Variants in LGSN observed in about 807,000 individuals in gnomAD.
LGSN encodes lengsin.
In LGSN, 21 loss-of-function variants were observed where a neutral mutation model predicts 19.5. The observed-to-expected ratio is 1.07, with a 90% CI of 0.76 to 1.55. LGSN has a LOEUF of 1.55. LGSN is among the 40% of genes most tolerant of loss of function. The pLI is 0.00. For synonymous variants in LGSN, 257 were observed against 215.6 expected, an observed-to-expected ratio of 1.19 and a Z score of -1.68; for missense variants, 673 against 608.5, an observed-to-expected ratio of 1.11 and a Z score of -1.12.
At chr6:63,366,445 G>A in the LGSN span, among the ~76,000 whole-genome samples, 1 of 152,078 alleles carries the variant, frequency 6.6e-6, no homozygotes, top group Non-Finnish European at 1.5e-5. Context: ...AAAGAGGACA[G>A]AAACAAATGG....
chr6:63,511,334 A>G, the LGSN span, among the ~76,000 whole-genome samples: 81,261 of 150,806 alleles, frequency 0.54, 23,651 homozygotes, highest in African/African-American at 0.77. Context: ...GCTCACTGAA[A>G]CCTCCGCCTC....
the LGSN span, among the ~76,000 whole-genome samples, chr6:63,371,868 A>G: frequency 6.6e-6 from 1 of 152,338 alleles, no homozygotes; most frequent in South Asian, 2.1e-4. Flanking sequence ...GCTTATTCTC[A>G]GTTCATAGTT....
the LGSN span, chr6:63,392,440 T>C: frequency 1.3e-5 from 2 of 152,384 alleles, no homozygotes; most frequent in African/African-American, 4.8e-5. Flanking sequence ...TGCTATCATG[T>C]GGACTAATCC....
the LGSN span, among the ~76,000 whole-genome samples, chr6:63,335,915 C>T: frequency 6.6e-6 from 1 of 152,186 alleles, no homozygotes; most frequent in Non-Finnish European, 1.5e-5. Context: ...ATGAAGTCAA[C>T]CTAAGTGTCC....
the LGSN span, among the ~76,000 whole-genome samples, chr6:63,548,451 C>T: frequency 2.0e-5 from 3 of 152,162 alleles, no homozygotes; most frequent in Non-Finnish European, 4.4e-5. Flanking sequence ...TGTCCTTATG[C>T]CACATTCCTA....
the LGSN span, among the ~76,000 whole-genome samples, chr6:63,355,847 T>A: frequency 6.6e-6 from 1 of 152,164 alleles, no homozygotes; most frequent in Non-Finnish European, 1.5e-5. Context: ...CTGGCTAATA[T>A]TTTTTGTATT....
Position 63,280,733 on chromosome 6 carries a change from T to G in LGSN, c.818A>C (p.Glu273Ala). The G allele has an allele frequency of 3.7e-6, 6 of 1,614,090 alleles. No individual in the cohort carries two copies. Among genetic ancestry groups the G allele is most frequent in the Non-Finnish European group, 5.1e-6 (6 of 1,180,020 alleles). Residue 273 changes from glutamate to alanine, a missense_variant, in exon 4 of 4, where the codon GAA (glutamate) becomes GCA (alanine). Coordinates refer to ENST00000370657, the MANE Select transcript of LGSN (RefSeq NM_016571.3). ...ATTATCAGCTGAGCTAATGCCAAAT[T>G]CAGGCAGGAAAGAGATTTCCATCTG... ...PGQMEISFLP[E>A]FGISSADNAF...
At chr6:63,320,748 C>A (rs1769052311), upstream of LGSN, among the ~76,000 whole-genome samples, 1 of 152,182 alleles carries the variant, frequency 6.6e-6, no homozygotes, top group South Asian at 2.1e-4. Context: ...TCTTCTGAAC[C>A]AAACCAAATT....
At chr6:63,554,277 C>T in the LGSN span, among the ~76,000 whole-genome samples, 10 of 152,278 alleles carry the variant, frequency 6.6e-5, no homozygotes, top group Middle Eastern at 3.4e-3. Context: ...CTCTCTTAAA[C>T]CTCAAAGTAT....
At chr6:63,385,158 T>C in the LGSN span, among the ~76,000 whole-genome samples, 1 of 152,258 alleles carries the variant, frequency 6.6e-6, no homozygotes, top group South Asian at 2.1e-4. Context: ...GACATGTAAA[T>C]GAATTTTAAA....
the LGSN span, among the ~76,000 whole-genome samples, chr6:63,524,479 C>T: frequency 6.6e-6 from 1 of 151,960 alleles, no homozygotes; most frequent in South Asian, 2.1e-4. Flanking sequence ...GTGAGAACTT[C>T]AAGGTAGTAT....
At chr6:63,556,945 A>G in the LGSN span, among the ~76,000 whole-genome samples, 29 of 152,136 alleles carry the variant, frequency 1.9e-4, no homozygotes, top group Admixed American at 7.2e-4. Flanking sequence ...GCCAGATCCT[A>G]TTCCTCAGGG....
chr6:63,566,389 A>G, the LGSN span, among the ~76,000 whole-genome samples: 1 of 152,102 alleles, frequency 6.6e-6, no homozygotes, highest in Non-Finnish European at 1.5e-5. Context: ...AATTCGGCTC[A>G]GGGTCGGGGT....
At chr6:63,494,076 A>C in the LGSN span, among the ~76,000 whole-genome samples, 2 of 151,846 alleles carry the variant, frequency 1.3e-5, no homozygotes, top group East Asian at 3.9e-4. Flanking sequence ...CAGCCTCCCA[A>C]GTAGCTGGGA....
chr6:63,341,641 A>G, the LGSN span, among the ~76,000 whole-genome samples: 14 of 152,086 alleles, frequency 9.2e-5, no homozygotes, highest in Non-Finnish European at 1.5e-4. Context: ...GGAACCCCCT[A>G]TGACACTGGA....
the LGSN span, among the ~76,000 whole-genome samples, chr6:63,437,147 AAGAG>A: frequency 9.2e-6 from 1 of 108,672 alleles, no homozygotes; most frequent in African/African-American, 3.1e-5. Flanking sequence ...AGGAGAAAGA[AAGAG>A]AGAGAAGGGA....
chr6:63,444,200 A>T, the LGSN span, among the ~76,000 whole-genome samples: 1 of 152,060 alleles, frequency 6.6e-6, no homozygotes, highest in Non-Finnish European at 1.5e-5. Flanking sequence ...AACAACTCTA[A>T]GTAGTATGTT....
the LGSN span, among the ~76,000 whole-genome samples, chr6:63,449,710 T>G: frequency 2.0e-5 from 3 of 152,232 alleles, no homozygotes; most frequent in African/African-American, 7.2e-5. Context: ...ATCTGATGTT[T>G]GAGGCTATTC....
the LGSN span, chr6:63,396,753 G>C: frequency 1.3e-5 from 2 of 153,234 alleles, no homozygotes; most frequent in East Asian, 3.8e-4. Flanking sequence ...TGTTGGAAGA[G>C]GGTGAGTGTG....
Sources: gnomAD v4.1 joint callset for allele counts (sites outside exome capture counted in the v4.1 genomes callset) on GRCh38, gnomAD v4.1.1 for gene constraint, MANE v1.5 for transcripts, NCBI Gene and HGNC (gene_info 2026-07-23, HGNC 2026-07-21) for gene names.